Variants in GLB1L2 observed in about 807,000 individuals in gnomAD.
The protein encoded by GLB1L2 is beta-galactosidase-1-like protein 2.
GLB1L2 carries 68 observed loss-of-function variants against 84.1 expected under a neutral mutation model. That is an observed-to-expected ratio of 0.81 (90% confidence interval 0.67 to 0.99). The LOEUF (loss-of-function observed/expected upper bound fraction) is 0.99. Ranked by LOEUF, GLB1L2 falls within the 50% of genes least tolerant of loss-of-function variation. The pLI is 0.00. For synonymous variants in GLB1L2, 290 were observed against 318.0 expected (o/e 0.91, Z 0.94); for missense variants, 762 against 805.6 (o/e 0.95, Z 0.66).
chr11:134,363,861 C>T (rs1249222379), intron 7 of GLB1L2, among the ~76,000 whole-genome samples: 1 of 152,166 alleles, frequency 6.6e-6, no homozygotes, highest in Admixed American at 6.5e-5. Context: ...AGTCTCCTGG[C>T]GTCCTGGCTG....
At chr11:134,371,974 C>T in intron 15 of GLB1L2, 144 bp downstream of exon 15, 2 of 721,044 alleles carry the variant, frequency 2.8e-6, no homozygotes, top group South Asian at 1.7e-5. Flanking sequence ...GAGGCCAGTT[C>T]TGAGTGGGCC....
chr11:134,335,494 G>A (rs1033155712), intron 1 of GLB1L2, among the ~76,000 whole-genome samples: 4 of 152,170 alleles, frequency 2.6e-5, no homozygotes, highest in African/African-American at 9.7e-5. Flanking sequence ...TACAGGTGTT[G>A]AGGGATGTCT....
At chr11:134,332,470 C>G (rs944410207) in intron 1 of GLB1L2, among the ~76,000 whole-genome samples, 1 of 152,126 alleles carries the variant, frequency 6.6e-6, no homozygotes, top group African/African-American at 2.4e-5. Context: ...CGTCAGAGCC[C>G]TCTCAGACGC....
At chr11:134,358,535 C>T (rs73604984) in intron 6 of GLB1L2, among the ~76,000 whole-genome samples, 7,921 of 152,384 alleles carry the variant, frequency 0.052, 271 homozygotes, top group East Asian at 0.19. Flanking sequence ...CTGTTCTGGG[C>T]ATGGGCAGTG....
At chr11:134,371,537 TC>T in intron 14 of GLB1L2, 45 bp downstream of exon 14, 1 of 1,217,000 alleles carries the variant, frequency 8.2e-7, no homozygotes, top group Non-Finnish European at 1.2e-6. Context: ...CCCCGCTGCT[TC>T]GAGGAAGTCT....
intron 6 of GLB1L2, among the ~76,000 whole-genome samples, chr11:134,358,779 T>A (rs532819806): frequency 2.6e-5 from 4 of 151,048 alleles, no homozygotes; most frequent in African/African-American, 9.7e-5. Context: ...CGCCTAGGCA[T>A]GCTAGCTGGC....
chr11:134,347,293 A>T lies in GLB1L2; in HGVS notation c.450-32A>T, dbSNP rs373674799. ...TCACAGCAAACCCACTGTGACACTA[A>T]CATCCTTCCTTTCCCCCGTTTACAC... On this transcript the variant is annotated intron_variant, in intron 4 of 18. Transcript: ENST00000535456. 7.1e-6 allele frequency: 11 copies of T among 1,540,384 alleles called. No homozygotes were observed. The African/African-American group carries it at 1.4e-4, about 19-fold the overall frequency.
At chr11:134,374,838 A>C in intron 18 of GLB1L2, 120 bp downstream of exon 18, 1 of 1,158,606 alleles carries the variant, frequency 8.6e-7, no homozygotes, top group South Asian at 1.3e-5. Context: ...TCCTCGCTGC[A>C]GACGAGTTGT....
Position 134,335,201 on chromosome 11 carries a change from A to G in GLB1L2, c.86+3054A>G, listed in dbSNP as rs925723564. ...ATGTATCAAACTCTTTCTCCTGAAC[A>G]AGGTGGCTAACTTAGCAATGCAGGT... On this transcript the variant is annotated intron_variant, in intron 1 of 18. Transcript: ENST00000535456. Among the ~76,000 whole-genome samples the G allele has an allele frequency of 4.7e-5, 7 of 150,420 alleles. No individual in the cohort carries two copies. The South Asian group carries it at 1.5e-3, about 32-fold the overall frequency.
intron 4 of GLB1L2, among the ~76,000 whole-genome samples, chr11:134,345,481 T>C (rs563913845): frequency 2.1e-4 from 32 of 152,240 alleles, no homozygotes; most frequent in African/African-American, 7.0e-4. Context: ...TGTCTGTTTC[T>C]TTTTTTTGAG....
chr11:134,359,642 C>T (rs1179486562), intron 7 of GLB1L2: 1 of 152,644 alleles, frequency 6.6e-6, no homozygotes, highest in Non-Finnish European at 1.5e-5. Flanking sequence ...AATGTGTTCT[C>T]AGCATATCAG....
chr11:134,343,248 T>A (rs910257761), intron 2 of GLB1L2, among the ~76,000 whole-genome samples: 1 of 152,164 alleles, frequency 6.6e-6, no homozygotes, highest in Non-Finnish European at 1.5e-5. Context: ...TTACAAGCAG[T>A]CTTCCCACTT....
intron 16 of GLB1L2, 137 bp downstream of exon 16, chr11:134,373,945 G>C (rs1226018332): frequency 1.3e-6 from 1 of 765,170 alleles, no homozygotes; most frequent in African/African-American, 1.7e-5. Flanking sequence ...GCTGGCCGAG[G>C]TGAGGGGTGG....
chr11:134,343,789 G>T (rs1319062872), intron 2 of GLB1L2, among the ~76,000 whole-genome samples: 1 of 152,240 alleles, frequency 6.6e-6, no homozygotes, highest in Non-Finnish European at 1.5e-5. Context: ...GTGTGTCTGG[G>T]TTGGAAGCCA....
chr11:134,371,870 G>A (rs1199759106), intron 15 of GLB1L2, 40 bp downstream of exon 15: 2 of 1,579,476 alleles, frequency 1.3e-6, no homozygotes, highest in Non-Finnish European at 1.7e-6. Flanking sequence ...TGGCCATGCT[G>A]GACACACAGG....
chr11:134,370,205 C>G lies in GLB1L2; in HGVS notation c.1109-88C>G. On this transcript the variant is annotated intron_variant, in intron 11 of 18. Coordinates refer to ENST00000535456, the MANE Select transcript of GLB1L2 (RefSeq NM_001370461.1). This position sits in a 1 kb window ranked among gnomAD's most constrained non-coding sequence, Gnocchi z 4.7. ...TTGGTGCTGGGACGCAGGAGCACAT[C>G]GGGTCTGTGGATGGGAGCCGGGTGG... 9.3e-7 allele frequency: 1 copy of G among 1,074,470 alleles called. No individual in the cohort carries two copies. Among genetic ancestry groups the G allele is most frequent in the Non-Finnish European group, 1.4e-6 (1 of 695,432 alleles). The allele number at this position is 1,074,470 out of a possible 1,614,324, so 66.6% of individuals were successfully genotyped here. A position where few individuals can be genotyped will look rare whatever the true frequency, so the allele number is the denominator to read the frequency against.
chr11:134,345,478 T>C (rs1591613082), intron 4 of GLB1L2, among the ~76,000 whole-genome samples: 1 of 152,336 alleles, frequency 6.6e-6, no homozygotes, highest in East Asian at 1.9e-4. Context: ...CCCTGTCTGT[T>C]TCTTTTTTTT....
Position 134,373,712 on chromosome 11 carries a change from C to A in GLB1L2, c.1508-9C>A. 6.3e-7 allele frequency: 1 copy of A among 1,599,912 alleles called. No individual in the cohort carries two copies. On this transcript the variant is annotated splice_polypyrimidine_tract_variant and intron_variant, in intron 15 of 18. Coordinates refer to ENST00000535456, the MANE Select transcript of GLB1L2 (RefSeq NM_001370461.1). ...TGGGCTACCCACGTGTCCTGCCTCC[C>A]TCCCACAGGCTTAATTGGAAATCTC... is the stretch of plus-strand genomic sequence containing the variant.
rs1943348848 is a variant in GLB1L2, at chr11:134,334,315, G to T, written c.86+2168G>T. On this transcript the variant is annotated intron_variant, in intron 1 of 18. Coordinates refer to ENST00000535456, the MANE Select transcript of GLB1L2 (RefSeq NM_001370461.1). This position sits in a 1 kb window ranked among gnomAD's most constrained non-coding sequence, Gnocchi z 4.1. ...TGGACAGTGGCTGGCATGGGCTGGGGGATGTTTGGCTATAGCTTTTCTTTT... is the reference window on the plus strand; with the variant it reads ...TGGACAGTGGCTGGCATGGGCTGGGTGATGTTTGGCTATAGCTTTTCTTTT... Among the ~76,000 whole-genome samples, 1 of 152,136 alleles carries T rather than the reference G, an allele frequency of 6.6e-6. No individual in the cohort carries two copies. The highest frequency in any genetic ancestry group is 2.1e-4 in the South Asian group (1 of 4,826).
Sources: gnomAD v4.1 joint callset for allele counts (sites outside exome capture counted in the v4.1 genomes callset) on GRCh38, gnomAD v4.1.1 for gene constraint, Gnocchi (gnomAD v3.1) non-coding constraint, MANE v1.5 for transcripts, NCBI Gene and HGNC (gene_info 2026-07-23, HGNC 2026-07-21) for gene names.